The following COX15 variants were observed in gnomAD, a reference collection of about 807,000 sequenced individuals.
COX15 encodes heme A synthase COX15.
A neutral mutation model predicts 51.9 loss-of-function variants in COX15; 51 were observed. The ratio of observed to expected loss-of-function variants is 0.98; its 90% CI spans 0.78 to 1.24. COX15 has a LOEUF of 1.24. COX15 is among the 50% of genes most tolerant of loss of function. COX15 has a pLI of 0.00. For missense variants in COX15, 420 were observed against 501.1 expected (o/e 0.84, Z 1.55); for synonymous variants, 188 against 190.5 (o/e 0.99, Z 0.11).
At chr10:99,718,539 G>A in intron 6 of COX15, 39 bp from the exon 7 acceptor site, 1 of 1,608,910 alleles carries the variant, frequency 6.2e-7, no homozygotes, top group East Asian at 2.2e-5. Context: ...AAAATGAGAG[G>A]AAGAAGAGAC....
the COX15 span, among the ~76,000 whole-genome samples, chr10:99,702,093 T>C: frequency 1.3e-5 from 2 of 152,044 alleles, no homozygotes; most frequent in African/African-American, 2.4e-5. Flanking sequence ...ACTAGAATAG[T>C]GTAATCAACT....
chr10:99,721,538 T>C (rs1034707449), intron 5 of COX15, among the ~76,000 whole-genome samples: 2 of 152,346 alleles, frequency 1.3e-5, no homozygotes, highest in Admixed American at 6.5e-5. Flanking sequence ...TTAGTGTTTT[T>C]GATAAAATCA....
chr10:99,723,641 G>C (rs1263148680), intron 5 of COX15, among the ~76,000 whole-genome samples: 1 of 152,126 alleles, frequency 6.6e-6, no homozygotes, highest in Non-Finnish European at 1.5e-5. Context: ...TTTACTATTA[G>C]ACTTAACTGG....
chr10:99,717,997 G>T lies in COX15; in HGVS notation c.987+349C>A, dbSNP rs115350509. Among the ~76,000 whole-genome samples the T allele has an allele frequency of 3.9e-5, 6 of 152,296 alleles. No individual in the cohort carries two copies. In the South Asian group the frequency reaches 1.2e-3, roughly 32 times the overall value. On this transcript the variant is annotated intron_variant, in intron 7 of 8. Transcript: ENST00000016171. Reference sequence around the variant, plus strand: ...TACGTGCTTAGCAGCTATGGTCTCCGCATTCGCTTCTCTACTCAACCACAT... The same window carrying T: ...TACGTGCTTAGCAGCTATGGTCTCCTCATTCGCTTCTCTACTCAACCACAT...
downstream of COX15, chr10:99,709,490 A>G: frequency 1.0e-6 from 1 of 985,378 alleles, no homozygotes; most frequent in Non-Finnish European, 1.2e-6. Context: ...TTAAAAAACT[A>G]AGACTCAAAA....
At chr10:99,710,467 A>G (rs182533457), downstream of COX15, 3 of 985,394 alleles carry the variant, frequency 3.0e-6, no homozygotes, top group Non-Finnish European at 3.6e-6. Context: ...AAAAAACCAA[A>G]GGCTGCCTGT....
At chr10:99,730,420 C>T (rs1019585779) in intron 1 of COX15, among the ~76,000 whole-genome samples, 3 of 151,854 alleles carry the variant, frequency 2.0e-5, no homozygotes, top group Non-Finnish European at 4.4e-5. Flanking sequence ...CCCATCTTTA[C>T]CAAAAATACA....
At chr10:99,719,324 A>G (rs1287185015) in intron 6 of COX15, among the ~76,000 whole-genome samples, 2 of 151,640 alleles carry the variant, frequency 1.3e-5, no homozygotes, top group African/African-American at 2.4e-5. Context: ...GGTTCATGCA[A>G]TTCTTCTGCC....
Position 99,732,073 on chromosome 10 carries a change from T to C in COX15, c.-24A>G, listed in dbSNP as rs764997243. 2 of 1,607,806 alleles carry C rather than the reference T, an allele frequency of 1.2e-6. No homozygotes were observed. The highest frequency in any genetic ancestry group is 1.3e-5 in the African/African-American group (1 of 74,838). ...ATACTGATGACAGGGAACAGCCACC[T>C]CTTCCACAACCCAGGGCTCTGTGGT... is the stretch of plus-strand genomic sequence containing the variant. On this transcript the variant is annotated 5_prime_UTR_variant, in exon 1 of 9. Transcript: ENST00000016171.
chr10:99,706,399 C>T (rs1440439709), downstream of COX15, among the ~76,000 whole-genome samples: 2 of 151,646 alleles, frequency 1.3e-5, no homozygotes, highest in Non-Finnish European at 2.9e-5. Context: ...AGTTGTGCAA[C>T]ATCATGGCTC....
Position 99,713,469 on chromosome 10 carries a change from A to G in COX15, c.*1118T>C, listed in dbSNP as rs1294072515. The G allele has an allele frequency of 6.2e-7, 1 of 1,613,562 alleles. No homozygotes were observed. The highest frequency in any genetic ancestry group is 1.1e-5 in the South Asian group (1 of 91,068). The stretch of plus-strand genomic sequence containing the variant: ...ACTGATTTTAAAAGTAAAGTTGAAT[A>G]AGACAGGGCCCTATGAAATATCAAT... On this transcript the variant is annotated 3_prime_UTR_variant, in exon 9 of 9. Transcript: ENST00000016171.
At chr10:99,722,322 C>G (rs2036801365) in intron 5 of COX15, among the ~76,000 whole-genome samples, 2 of 152,036 alleles carry the variant, frequency 1.3e-5, no homozygotes, top group Non-Finnish European at 2.9e-5. Context: ...CATCAGTAAC[C>G]TTTAAGAGTA....
chr10:99,701,814 G>C, the COX15 span, among the ~76,000 whole-genome samples: 2 of 151,904 alleles, frequency 1.3e-5, no homozygotes, highest in African/African-American at 4.8e-5. Context: ...TTGGGAGGCT[G>C]AGGTGGGTGG....
chr10:99,706,118 G>A (rs557538771), downstream of COX15: 1 of 152,138 alleles, frequency 6.6e-6, no homozygotes, highest in East Asian at 1.9e-4. Context: ...TGGCTTTAAA[G>A]AAAACAAAAG....
chr10:99,714,785 C>T (rs1033023516), intron 8 of COX15, 67 bp from the exon 9 acceptor site: 90 of 1,604,050 alleles, frequency 5.6e-5, no homozygotes, highest in Non-Finnish European at 7.2e-5. Flanking sequence ...AATGGCCAGG[C>T]GTGGATAACC....
chr10:99,710,670 C>T, downstream of COX15: 1 of 985,300 alleles, frequency 1.0e-6, no homozygotes, highest in Non-Finnish European at 1.2e-6. Context: ...ATATGTGTTA[C>T]ATATGCTGAT....
chr10:99,719,900 C>T (rs550786791), intron 6 of COX15, among the ~76,000 whole-genome samples: 1 of 152,128 alleles, frequency 6.6e-6, no homozygotes, highest in Admixed American at 6.5e-5. Flanking sequence ...ATTTTTAGTC[C>T]AGAGCAGTAC....
At chr10:99,715,607 C>A (rs75579344) in intron 8 of COX15, among the ~76,000 whole-genome samples, 15,028 of 150,946 alleles carry the variant, frequency 0.1, 987 homozygotes, top group Admixed American at 0.18. Context: ...AAAGATATTG[C>A]CAGCCTGGGT....
intron 5 of COX15, 24 bp from the exon 6 acceptor site, chr10:99,721,092 A>C (rs2036754329): frequency 6.3e-7 from 1 of 1,588,754 alleles, no homozygotes; most frequent in Non-Finnish European, 8.6e-7. Flanking sequence ...AAAATCATTC[A>C]GTTAAACTGT....
Sources: allele counts gnomAD v4.1 joint callset (sites outside exome capture counted in the v4.1 genomes callset), GRCh38; gene constraint gnomAD v4.1.1; transcripts MANE v1.5; gene names NCBI Gene and HGNC (gene_info 2026-07-23, HGNC 2026-07-21).